CTNNA3: variants seen among roughly 807,000 people sequenced by gnomAD.
CTNNA3 encodes the protein catenin alpha 3, also known as catenin alpha-3.
In CTNNA3, 76 loss-of-function variants were observed where a neutral mutation model predicts 95.7. The observed-to-expected ratio is 0.79, with a 90% CI of 0.66 to 0.96. The LOEUF (loss-of-function observed/expected upper bound fraction) is 0.96. CTNNA3 is among the 40% of genes least tolerant of loss of function. The probability of loss-of-function intolerance (pLI) is 0.00; values close to 1 mark genes in which losing one functional copy is unlikely to be tolerated. For missense variants in CTNNA3, 1,191 were observed against 1,089.8 expected (o/e 1.09, Z -1.31); for synonymous variants, 431 against 374.4 (o/e 1.15, Z -1.74).
intron 10 of CTNNA3, among the ~76,000 whole-genome samples, chr10:66,527,345 C>T (rs189237845): frequency 8.5e-4 from 130 of 152,156 alleles, no homozygotes; most frequent in African/African-American, 2.8e-3. Context: ...AAGTGTGAGG[C>T]CTCCAAATTT....
chr10:67,327,255 C>T (rs924992004), intron 5 of CTNNA3, among the ~76,000 whole-genome samples: 1 of 152,088 alleles, frequency 6.6e-6, no homozygotes, highest in African/African-American at 2.4e-5. Context: ...AGTTCAGAAC[C>T]CTTGCTGGAG....
At chr10:66,155,674 C>A (rs922861065) in intron 13 of CTNNA3, among the ~76,000 whole-genome samples, 1 of 151,750 alleles carries the variant, frequency 6.6e-6, no homozygotes, top group Non-Finnish European at 1.5e-5. Flanking sequence ...TCTAGATTCT[C>A]ATCTCACACC....
intron 1 of CTNNA3, among the ~76,000 whole-genome samples, chr10:67,705,792 A>AG (rs1263437874): frequency 6.6e-6 from 1 of 151,846 alleles, no homozygotes; most frequent in Non-Finnish European, 1.5e-5. Context: ...AATAAAAAAA[A>AG]AAAAGAAAGA....
At chr10:66,410,156 A>G (rs1273446752) in intron 11 of CTNNA3, among the ~76,000 whole-genome samples, 1 of 152,252 alleles carries the variant, frequency 6.6e-6, no homozygotes, top group Non-Finnish European at 1.5e-5. Flanking sequence ...AAGCTTTATA[A>G]GTAACTAAAT....
chr10:66,554,626 T>G (rs1022933993), intron 10 of CTNNA3, among the ~76,000 whole-genome samples: 6 of 152,190 alleles, frequency 3.9e-5, no homozygotes, highest in Non-Finnish European at 5.9e-5. Flanking sequence ...AATATTCTAT[T>G]TAGCCCATTC....
intron 13 of CTNNA3, among the ~76,000 whole-genome samples, chr10:66,280,080 T>C (rs1043030587): frequency 1.3e-5 from 2 of 151,964 alleles, no homozygotes; most frequent in African/African-American, 4.8e-5. Context: ...AAATACCACG[T>C]TTTCCTATCA....
intron 12 of CTNNA3, among the ~76,000 whole-genome samples, chr10:66,342,740 G>A (rs2092466306): frequency 6.6e-6 from 1 of 151,566 alleles, no homozygotes; most frequent in African/African-American, 2.4e-5. Flanking sequence ...ACTACTTTAG[G>A]TAATGTTGTA....
At chr10:66,302,325 C>T (rs1289879064) in intron 12 of CTNNA3, among the ~76,000 whole-genome samples, 2 of 151,818 alleles carry the variant, frequency 1.3e-5, no homozygotes, top group Non-Finnish European at 2.9e-5. Flanking sequence ...ACTAATTGAC[C>T]CTAAACTTAA....
At chr10:66,058,313 G>T (rs146703241) in intron 15 of CTNNA3, among the ~76,000 whole-genome samples, 2 of 152,092 alleles carry the variant, frequency 1.3e-5, no homozygotes. Flanking sequence ...TCTCAGGGTT[G>T]TATCTTAGAA....
chr10:67,560,033 G>T (rs1052587124), intron 3 of CTNNA3, among the ~76,000 whole-genome samples: 2 of 152,118 alleles, frequency 1.3e-5, no homozygotes, highest in African/African-American at 4.8e-5. Flanking sequence ...AAAGTGATGG[G>T]GAGAATGGAA....
At position 67,098,527 on chromosome 10, in the gene CTNNA3, T is replaced by C. The variant is rs879248599; in HGVS notation, c.1047+81790A>G. On this transcript the variant is annotated intron_variant, in intron 7 of 17. Transcript: ENST00000433211. The stretch of plus-strand genomic sequence containing the variant: ...TTAACTGTTGCCTTGAATTACAGCC[T>C]AGTTTCTAAGCAGTGAAATGTAATG... 2.0e-5 allele frequency: 3 copies of C among 152,304 alleles called. No individual in the cohort carries two copies. In the Admixed American group the frequency reaches 2.0e-4, roughly 10 times the overall value. The allele number at this position is 152,304 out of a possible 1,614,324, so 9.4% of individuals were successfully genotyped here.
intron 11 of CTNNA3, among the ~76,000 whole-genome samples, chr10:66,406,553 T>A (rs1704578472): frequency 6.6e-6 from 1 of 152,224 alleles, no homozygotes; most frequent in Non-Finnish European, 1.5e-5. Context: ...TAAGCTGATG[T>A]TGAATACTTG....
At chr10:66,090,252 A>G (rs981460761) in intron 14 of CTNNA3, among the ~76,000 whole-genome samples, 10 of 152,132 alleles carry the variant, frequency 6.6e-5, no homozygotes, top group Admixed American at 2.0e-4. Flanking sequence ...AGCTTGGCCA[A>G]TCAGGCTGGC....
At chr10:66,611,308 A>G (rs1168720724) in intron 10 of CTNNA3, among the ~76,000 whole-genome samples, 1 of 152,144 alleles carries the variant, frequency 6.6e-6, no homozygotes, top group Admixed American at 6.6e-5. Flanking sequence ...ACAAAAAAGG[A>G]TAAATATTTG....
chr10:67,119,616 T>A (rs371693721), intron 7 of CTNNA3, among the ~76,000 whole-genome samples: 5 of 152,084 alleles, frequency 3.3e-5, no homozygotes, highest in Admixed American at 1.3e-4. Context: ...TCTGTTAATT[T>A]TTCTTTCTAA....
chr10:65,970,520 T>C (rs759104860), intron 16 of CTNNA3, among the ~76,000 whole-genome samples: 2 of 151,898 alleles, frequency 1.3e-5, no homozygotes, highest in Non-Finnish European at 2.9e-5. Context: ...TCTGCTGTTT[T>C]CAAGATACCC....
chr10:66,132,969 G>A (rs1158250660), intron 13 of CTNNA3, among the ~76,000 whole-genome samples: 3 of 152,046 alleles, frequency 2.0e-5, no homozygotes, highest in Non-Finnish European at 4.4e-5. Flanking sequence ...GTACCTGGGT[G>A]ATGAAATAAT....
intron 11 of CTNNA3, among the ~76,000 whole-genome samples, chr10:66,429,621 C>A (rs2093276560): frequency 6.6e-6 from 1 of 152,122 alleles, no homozygotes; most frequent in Non-Finnish European, 1.5e-5. Flanking sequence ...TAAATGTAAT[C>A]CAGCACATAA....
chr10:66,188,764 T>C (rs1262890289), intron 13 of CTNNA3, among the ~76,000 whole-genome samples: 1 of 152,046 alleles, frequency 6.6e-6, no homozygotes, highest in Non-Finnish European at 1.5e-5. Flanking sequence ...GATTGCTCGG[T>C]CATATTGTAG....
Sources: gnomAD v4.1 joint callset for allele counts (sites outside exome capture counted in the v4.1 genomes callset) on GRCh38, gnomAD v4.1.1 for gene constraint, MANE v1.5 for transcripts, NCBI Gene and HGNC (gene_info 2026-07-23, HGNC 2026-07-21) for gene names.